ZYG11B: variants seen among roughly 807,000 people sequenced by gnomAD.
ZYG11B encodes the protein zyg-11 family member B, cell cycle regulator, also known as protein zyg-11 homolog B.
A neutral mutation model predicts 82.4 loss-of-function variants in ZYG11B; 36 were observed. The ratio of observed to expected loss-of-function variants is 0.44; its 90% CI spans 0.33 to 0.58. The LOEUF (loss-of-function observed/expected upper bound fraction) is 0.58, where lower values mean the gene tolerates loss of function less well. Ranked by LOEUF, ZYG11B falls within the 20% of genes least tolerant of loss-of-function variation. ZYG11B has a pLI of 0.02. For missense variants in ZYG11B, 552 were observed against 895.6 expected (o/e 0.62, Z 4.90); for synonymous variants, 303 against 312.8 (o/e 0.97, Z 0.33).
chr1:52,765,608 C>T (rs1416634678), intron 2 of ZYG11B, among the ~76,000 whole-genome samples: 1 of 152,050 alleles, frequency 6.6e-6, no homozygotes, highest in Non-Finnish European at 1.5e-5. Context: ...AGCGACCCTT[C>T]GACCTCAGCC....
chr1:52,811,899 C>A (rs959184967), intron 10 of ZYG11B, among the ~76,000 whole-genome samples: 1 of 152,130 alleles, frequency 6.6e-6, no homozygotes, highest in East Asian at 1.9e-4. Context: ...GGCATGGTAG[C>A]GGTTGCCTGT....
intron 2 of ZYG11B, among the ~76,000 whole-genome samples, chr1:52,759,113 G>A (rs750457318): frequency 5.5e-4 from 83 of 152,154 alleles, no homozygotes; most frequent in Non-Finnish European, 9.9e-4. Context: ...TGTATTTTTA[G>A]TAGAGACGGG....
intron 3 of ZYG11B, among the ~76,000 whole-genome samples, chr1:52,776,229 A>AAAAAAAAATATAT: frequency 1.7e-4 from 4 of 23,544 alleles, no homozygotes; most frequent in South Asian, 2.4e-3. Flanking sequence ...TAAAAAAAAA[A>AAAAAAAAATATAT]ATATATATAT....
intron 3 of ZYG11B, among the ~76,000 whole-genome samples, chr1:52,777,720 G>A (rs1178710381): frequency 1.3e-5 from 2 of 151,998 alleles, no homozygotes; most frequent in East Asian, 1.9e-4. Flanking sequence ...GGGATTACAG[G>A]CATGAGCCAT....
intron 11 of ZYG11B, 29 bp from the exon 12 acceptor site, chr1:52,813,831 T>A (rs755623902): frequency 5.6e-6 from 9 of 1,613,910 alleles, no homozygotes; most frequent in Non-Finnish European, 7.6e-6. Flanking sequence ...AATATTGTAA[T>A]CCTTTCTTGT....
In ZYG11B at chr1:52,824,648, A is replaced by G. The variant is rs1645310261; in HGVS notation, c.*3019A>G. The G allele has an allele frequency of 6.6e-6, 1 of 152,106 alleles. No homozygotes were observed. The highest frequency in any genetic ancestry group is 2.4e-5 in the African/African-American group (1 of 41,410). 9.4% of individuals were successfully genotyped at this position (152,106 alleles called of 1,614,324 possible). ...AGTAAGACTCCGTCTCAAAAAAAAA[A>G]AAAGCATAATAATTTATTACATCCC... On this transcript the variant is annotated 3_prime_UTR_variant, in exon 14 of 14. Coordinates refer to ENST00000294353, the MANE Select transcript of ZYG11B (RefSeq NM_024646.3).
intron 8 of ZYG11B, among the ~76,000 whole-genome samples, 198 bp from the exon 9 acceptor site, chr1:52,801,621 A>T (rs1285344399): frequency 2.6e-5 from 4 of 152,164 alleles, no homozygotes; most frequent in Non-Finnish European, 4.4e-5. Context: ...TGATCAGAAT[A>T]ATATAGAAGT....
At chr1:52,736,158 A>G (rs1644377081) in intron 1 of ZYG11B, among the ~76,000 whole-genome samples, 1 of 152,216 alleles carries the variant, frequency 6.6e-6, no homozygotes, top group Non-Finnish European at 1.5e-5. Context: ...GTACTGCACA[A>G]TTCAGCTAAC....
intron 2 of ZYG11B, among the ~76,000 whole-genome samples, chr1:52,768,918 G>A (rs531352142): frequency 6.6e-6 from 1 of 152,132 alleles, no homozygotes; most frequent in East Asian, 1.9e-4. Context: ...CTCTATCTTT[G>A]AATTCTTCCA....
intron 1 of ZYG11B, among the ~76,000 whole-genome samples, chr1:52,736,817 G>A (rs1644382038): frequency 6.6e-6 from 1 of 152,136 alleles, no homozygotes; most frequent in South Asian, 2.1e-4. Context: ...TCGAACTCCT[G>A]TCCTCAAGTG....
At position 52,821,742 on chromosome 1, in the gene ZYG11B, T is replaced by A; in HGVS notation, c.*113T>A. 1 of 1,022,690 alleles carries A rather than the reference T, an allele frequency of 9.8e-7. No individual in the cohort carries two copies. The highest frequency in any genetic ancestry group is 1.4e-6 in the Non-Finnish European group (1 of 707,374). The allele number at this position is 1,022,690 out of a possible 1,614,324, so 63.4% of individuals were successfully genotyped here. On this transcript the variant is annotated 3_prime_UTR_variant, in exon 14 of 14. Transcript: ENST00000294353. Reference sequence around the variant, plus strand: ...GGTTTCTATGACAAGAGTCATAAAATCAGTTTGGGATTGATAATGTGTAGT... The same window carrying A: ...GGTTTCTATGACAAGAGTCATAAAAACAGTTTGGGATTGATAATGTGTAGT...
intron 8 of ZYG11B, among the ~76,000 whole-genome samples, chr1:52,801,267 T>G (rs1228276696): frequency 1.3e-5 from 2 of 152,046 alleles, no homozygotes; most frequent in Non-Finnish European, 2.9e-5. Context: ...AGACTAATTC[T>G]TTTATTGTAT....
chr1:52,756,327 C>T, intron 1 of ZYG11B, 131 bp from the exon 2 acceptor site: 1 of 771,430 alleles, frequency 1.3e-6, no homozygotes, highest in Non-Finnish European at 2.1e-6. Context: ...CTGCCTTACA[C>T]AGTGTCTAGC....
chr1:52,783,995 T>G (rs577507775), intron 4 of ZYG11B, among the ~76,000 whole-genome samples: 4,079 of 79,912 alleles, frequency 0.051, 128 homozygotes, highest in African/African-American at 0.18. Context: ...CATATATATA[T>G]ATAGAGAGAG....
intron 4 of ZYG11B, among the ~76,000 whole-genome samples, chr1:52,783,762 A>G (rs1644877252): frequency 6.7e-6 from 1 of 148,622 alleles, no homozygotes; most frequent in Non-Finnish European, 1.5e-5. Flanking sequence ...AGATGGGACT[A>G]TAGGCGTGTA....
chr1:52,819,473 T>A (rs914714793), intron 13 of ZYG11B, among the ~76,000 whole-genome samples: 2 of 151,950 alleles, frequency 1.3e-5, no homozygotes, highest in African/African-American at 4.8e-5. Context: ...TAGGAGAAAA[T>A]AAAACATAAT....
At chr1:52,803,187 T>C (rs188186983) in intron 10 of ZYG11B, among the ~76,000 whole-genome samples, 22,513 of 77,022 alleles carry the variant, frequency 0.29, 4,921 homozygotes, top group East Asian at 0.64. Context: ...TATATATATA[T>C]ACACATATAT....
intron 1 of ZYG11B, among the ~76,000 whole-genome samples, chr1:52,736,172 C>T (rs17107372): frequency 0.019 from 2,840 of 152,258 alleles, 33 homozygotes; most frequent in Non-Finnish European, 0.03. Context: ...AGCTAACAGC[C>T]ATTCATATAG....
intron 2 of ZYG11B, among the ~76,000 whole-genome samples, chr1:52,769,801 A>T (rs929693405): frequency 6.6e-6 from 1 of 152,184 alleles, no homozygotes; most frequent in Admixed American, 6.5e-5. Context: ...AGTTCCTCTC[A>T]TGACTTCAGG....
Sources: allele counts gnomAD v4.1 joint callset (sites outside exome capture counted in the v4.1 genomes callset), GRCh38; gene constraint gnomAD v4.1.1; transcripts MANE v1.5; gene names NCBI Gene and HGNC (gene_info 2026-07-23, HGNC 2026-07-21).